Variants in JARID2 observed in about 807,000 individuals in gnomAD.
JARID2 encodes the protein protein Jumonji.
JARID2 carries 21 observed loss-of-function variants against 125.6 expected under a neutral mutation model. The ratio of observed to expected loss-of-function variants is 0.17; its 90% CI spans 0.12 to 0.24. JARID2 has a LOEUF of 0.24. JARID2 is among the 10% of genes least tolerant of loss of function. JARID2 has a pLI of 1.00. For missense variants in JARID2, 1,303 were observed against 1,639.6 expected (o/e 0.79, Z 3.55); for synonymous variants, 736 against 661.6 (o/e 1.11, Z -1.73).
At chr6:15,468,370 T>G (rs1425042601) in intron 4 of JARID2, among the ~76,000 whole-genome samples, 172 bp from the exon 5 acceptor site, 1 of 152,154 alleles carries the variant, frequency 6.6e-6, no homozygotes, top group African/African-American at 2.4e-5. Context: ...TTGCTTGAAA[T>G]ACGTTCAAAA....
chr6:15,309,072 G>A (rs2080948284), intron 1 of JARID2, among the ~76,000 whole-genome samples: 1 of 152,214 alleles, frequency 6.6e-6, no homozygotes, highest in Non-Finnish European at 1.5e-5. Context: ...GTAGCTGCAA[G>A]ATTGATGTTG....
intron 2 of JARID2, among the ~76,000 whole-genome samples, chr6:15,404,545 ACACACAC>A: frequency 6.6e-6 from 1 of 151,102 alleles, no homozygotes; most frequent in African/African-American, 2.4e-5. Context: ...ACACACACAC[ACACACAC>A]ACACACACAC....
At chr6:15,470,273 C>G (rs912698145) in intron 5 of JARID2, among the ~76,000 whole-genome samples, 11 of 152,096 alleles carry the variant, frequency 7.2e-5, no homozygotes, top group South Asian at 4.2e-4. Context: ...ATCAGCTACT[C>G]CACTAGACAT....
At chr6:15,424,501 C>T (rs963458098) in intron 3 of JARID2, among the ~76,000 whole-genome samples, 2 of 152,096 alleles carry the variant, frequency 1.3e-5, no homozygotes, top group African/African-American at 4.8e-5. Flanking sequence ...TACTCTGTCC[C>T]TGGGGGAGTC....
intron 1 of JARID2, among the ~76,000 whole-genome samples, chr6:15,326,036 T>C (rs749639272): frequency 1.5e-4 from 23 of 152,374 alleles, no homozygotes; most frequent in Non-Finnish European, 2.9e-4. Flanking sequence ...ATATGAAATT[T>C]GTTTTAATTT....
chr6:15,383,128 G>A (rs1027025409), intron 2 of JARID2, among the ~76,000 whole-genome samples: 2 of 152,080 alleles, frequency 1.3e-5, no homozygotes, highest in Non-Finnish European at 2.9e-5. Context: ...TTTCAAAGAA[G>A]TGGGGAAGGC....
chr6:15,506,135 G>A (rs1770994765), intron 9 of JARID2, among the ~76,000 whole-genome samples: 1 of 152,228 alleles, frequency 6.6e-6, no homozygotes, highest in Admixed American at 6.5e-5. Context: ...TTCAGGCCTG[G>A]ATTGCCTAGC....
chr6:15,373,690 A>G (rs1323525449), intron 1 of JARID2, among the ~76,000 whole-genome samples: 2 of 152,180 alleles, frequency 1.3e-5, no homozygotes, highest in South Asian at 2.1e-4. Flanking sequence ...AGGCAGCAAC[A>G]TTTTTAAGAG....
At chr6:15,263,461 T>G (rs1254817040) in intron 1 of JARID2, among the ~76,000 whole-genome samples, 1 of 152,138 alleles carries the variant, frequency 6.6e-6, no homozygotes, top group Non-Finnish European at 1.5e-5. Flanking sequence ...ATGAACTCCA[T>G]TAAGAAATAG....
chr6:15,381,274 G>A (rs1258096948), intron 2 of JARID2, among the ~76,000 whole-genome samples: 2 of 149,536 alleles, frequency 1.3e-5, no homozygotes, highest in African/African-American at 2.5e-5. Context: ...CCTGGGATGC[G>A]GAGCTTGCAG....
intron 1 of JARID2, among the ~76,000 whole-genome samples, chr6:15,347,091 G>A (rs1763269314): frequency 6.6e-6 from 1 of 152,128 alleles, no homozygotes; most frequent in South Asian, 2.1e-4. Flanking sequence ...TCTTAAAGCA[G>A]TATTTGTCAT....
At chr6:15,312,784 TC>T (rs1168868238) in intron 1 of JARID2, among the ~76,000 whole-genome samples, 1 of 152,204 alleles carries the variant, frequency 6.6e-6, no homozygotes, top group African/African-American at 2.4e-5. Context: ...CTTTCGTGAT[TC>T]CCTGTAGTCT....
chr6:15,303,645 A>G (rs56336261), intron 1 of JARID2, among the ~76,000 whole-genome samples: 199 of 152,284 alleles, frequency 1.3e-3, no homozygotes, highest in Non-Finnish European at 2.5e-3. Flanking sequence ...CTCCTTTGTT[A>G]TTATTTCAAC....
chr6:15,470,684 C>T (rs573285735), intron 5 of JARID2, among the ~76,000 whole-genome samples: 4 of 148,876 alleles, frequency 2.7e-5, no homozygotes, highest in Non-Finnish European at 4.4e-5. Context: ...TTTAACCTTT[C>T]GGGAAAAGGT....
At chr6:15,258,937 C>T (rs4310061) in intron 1 of JARID2, among the ~76,000 whole-genome samples, 22,648 of 152,158 alleles carry the variant, frequency 0.15, 2,389 homozygotes, top group African/African-American at 0.3. Context: ...CCCAGTTGTT[C>T]GAGGAAGAGG....
At chr6:15,307,349 A>C (rs1761868294) in intron 1 of JARID2, among the ~76,000 whole-genome samples, 1 of 151,942 alleles carries the variant, frequency 6.6e-6, no homozygotes, top group South Asian at 2.1e-4. Flanking sequence ...CAGCCTCCCT[A>C]GGAGCTGGGA....
intron 1 of JARID2, among the ~76,000 whole-genome samples, chr6:15,359,096 A>G (rs989505521): frequency 7.9e-5 from 12 of 152,228 alleles, no homozygotes; most frequent in African/African-American, 2.9e-4. Flanking sequence ...GTAGCTTTCT[A>G]GGAAATGCAG....
At chr6:15,345,349 A>G (rs1763209426) in intron 1 of JARID2, among the ~76,000 whole-genome samples, 1 of 152,180 alleles carries the variant, frequency 6.6e-6, no homozygotes, top group African/African-American at 2.4e-5. Context: ...CTGATATGGA[A>G]ACCTGGGGTG....
At chr6:15,271,608 G>T (rs930664471) in intron 1 of JARID2, among the ~76,000 whole-genome samples, 1 of 151,980 alleles carries the variant, frequency 6.6e-6, no homozygotes, top group African/African-American at 2.4e-5. Flanking sequence ...CCAGGAGTTC[G>T]AGACCAGCCT....
Sources: gnomAD v4.1 joint callset for allele counts (sites outside exome capture counted in the v4.1 genomes callset) on GRCh38, gnomAD v4.1.1 for gene constraint, MANE v1.5 for transcripts, NCBI Gene and HGNC (gene_info 2026-07-23, HGNC 2026-07-21) for gene names.